Variants in GRIN2A observed in about 807,000 individuals in gnomAD.
GRIN2A encodes the protein glutamate ionotropic receptor NMDA type subunit 2A.
Under a neutral mutation model 113.4 loss-of-function variants are expected in GRIN2A, and 22 were observed. The observed-to-expected ratio is 0.19, with a 90% CI of 0.14 to 0.28. GRIN2A has a LOEUF of 0.28. GRIN2A is among the 10% of genes least tolerant of loss of function. The pLI, the probability that GRIN2A is intolerant of heterozygous loss-of-function variation, is 1.00. For missense variants in GRIN2A, 1,502 were observed against 1,887.0 expected (o/e 0.80, Z 3.78); for synonymous variants, 827 against 738.4 (o/e 1.12, Z -1.94).
intron 2 of GRIN2A, among the ~76,000 whole-genome samples, chr16:10,097,282 A>C (rs1261043184): frequency 6.6e-6 from 1 of 152,224 alleles, no homozygotes; most frequent in Non-Finnish European, 1.5e-5. Flanking sequence ...TTAAAAATAA[A>C]TGTGCTTAAA....
At chr16:9,880,168 C>A (rs143357649) in intron 4 of GRIN2A, among the ~76,000 whole-genome samples, 1 of 152,062 alleles carries the variant, frequency 6.6e-6, no homozygotes, top group Non-Finnish European at 1.5e-5. Context: ...TTGGAAGAAT[C>A]CACTTCCAAG....
chr16:9,830,863 G>A (rs943819256), intron 8 of GRIN2A, among the ~76,000 whole-genome samples: 26 of 152,154 alleles, frequency 1.7e-4, no homozygotes, highest in Admixed American at 1.2e-3. Flanking sequence ...ATTCTCAAGA[G>A]GCAGGAAATT....
In GRIN2A at chr16:9,763,088, C is replaced by T; in HGVS notation, c.*61G>A. On this transcript the variant is annotated 3_prime_UTR_variant, in exon 13 of 13. Coordinates refer to ENST00000330684, the MANE Select transcript of GRIN2A (RefSeq NM_001134407.3). The stretch of plus-strand genomic sequence containing the variant: ...GGCACTATTGGACATCCAACATTTA[C>T]CCTCCAGAACATTGGCCATTACGTA... 6.5e-7 allele frequency: 1 copy of T among 1,527,780 alleles called. No individual in the cohort carries two copies. Among genetic ancestry groups the T allele is most frequent in the Non-Finnish European group, 9.0e-7 (1 of 1,107,620 alleles). The allele number at this position is 1,527,780 out of a possible 1,614,324, so 94.6% of individuals were successfully genotyped here.
intron 4 of GRIN2A, among the ~76,000 whole-genome samples, chr16:9,860,955 C>T (rs1394515959): frequency 6.6e-6 from 1 of 152,218 alleles, no homozygotes; most frequent in Non-Finnish European, 1.5e-5. Context: ...TCCATTTTTA[C>T]TTACAATTCA....
chr16:10,147,629 C>G (rs1467571347), intron 2 of GRIN2A, among the ~76,000 whole-genome samples: 2 of 107,160 alleles, frequency 1.9e-5, no homozygotes, highest in African/African-American at 6.6e-5. Context: ...ACAGTGAGGC[C>G]CTGTCTCAAA....
At chr16:10,133,320 T>C (rs1273691948) in intron 2 of GRIN2A, among the ~76,000 whole-genome samples, 1 of 152,162 alleles carries the variant, frequency 6.6e-6, no homozygotes, top group Non-Finnish European at 1.5e-5. Flanking sequence ...CATCAAAATC[T>C]CATCAGACCA....
intron 2 of GRIN2A, among the ~76,000 whole-genome samples, chr16:10,146,621 C>T (rs1169607353): frequency 6.6e-6 from 1 of 151,986 alleles, no homozygotes; most frequent in Non-Finnish European, 1.5e-5. Flanking sequence ...AGAGTGACAG[C>T]TATTAATATT....
At chr16:9,964,675 G>A (rs1312643328) in intron 2 of GRIN2A, among the ~76,000 whole-genome samples, 3 of 152,114 alleles carry the variant, frequency 2.0e-5, no homozygotes, top group African/African-American at 7.2e-5. Context: ...CAGCACCACT[G>A]CATCTCTCTG....
chr16:9,952,127 G>A (rs1372863099), intron 2 of GRIN2A, among the ~76,000 whole-genome samples: 1 of 152,088 alleles, frequency 6.6e-6, no homozygotes, highest in Admixed American at 6.5e-5. Flanking sequence ...GGGTTCACTG[G>A]CCTCCAAGCC....
chr16:10,021,897 AG>A (rs560438672), intron 2 of GRIN2A, among the ~76,000 whole-genome samples: 11 of 152,180 alleles, frequency 7.2e-5, no homozygotes, highest in African/African-American at 2.6e-4. Flanking sequence ...CTCTGCCCCC[AG>A]TGATGGGGAT....
At chr16:9,986,764 C>CAAA (rs3065539) in intron 2 of GRIN2A, among the ~76,000 whole-genome samples, 1 of 112,040 alleles carries the variant, frequency 8.9e-6, no homozygotes, top group Non-Finnish European at 1.8e-5. Flanking sequence ...GACGCTGTCT[C>CAAA]AAAAAAAAAA....
intron 2 of GRIN2A, among the ~76,000 whole-genome samples, chr16:10,090,075 C>A (rs775809948): frequency 1.3e-5 from 2 of 151,990 alleles, no homozygotes; most frequent in African/African-American, 2.4e-5. Context: ...GTATTTAGGA[C>A]CTACCAGGCA....
intron 2 of GRIN2A, among the ~76,000 whole-genome samples, chr16:9,958,666 CT>C (rs1567200466): frequency 6.6e-6 from 1 of 152,074 alleles, no homozygotes; most frequent in Non-Finnish European, 1.5e-5. Flanking sequence ...GGAAAGAATG[CT>C]TGCTGTGTAT....
At chr16:9,921,961 T>A (rs2044366429) in intron 3 of GRIN2A, among the ~76,000 whole-genome samples, 1 of 152,186 alleles carries the variant, frequency 6.6e-6, no homozygotes, top group South Asian at 2.1e-4. Context: ...GTAAAACCAG[T>A]TGAAAATACG....
chr16:10,057,536 A>C (rs1044779009), intron 2 of GRIN2A, among the ~76,000 whole-genome samples: 2 of 152,302 alleles, frequency 1.3e-5, no homozygotes, highest in South Asian at 4.2e-4. Context: ...ACAGCTCTAC[A>C]AAGAAAATAA....
intron 4 of GRIN2A, among the ~76,000 whole-genome samples, chr16:9,875,121 C>T (rs2043339063): frequency 7.8e-6 from 1 of 128,368 alleles, no homozygotes; most frequent in African/African-American, 2.5e-5. Flanking sequence ...TCAGTCCCCA[C>T]AAGTAGCTGG....
intron 2 of GRIN2A, among the ~76,000 whole-genome samples, chr16:10,113,666 A>G (rs984956369): frequency 6.6e-6 from 1 of 152,268 alleles, no homozygotes; most frequent in African/African-American, 2.4e-5. Flanking sequence ...ATTGTGTGCA[A>G]TTACAAATAG....
chr16:10,085,762 C>A (rs1035137986), intron 2 of GRIN2A, among the ~76,000 whole-genome samples: 2 of 152,174 alleles, frequency 1.3e-5, no homozygotes, highest in East Asian at 3.8e-4. Context: ...TAAGTCTGAG[C>A]TCCTGTCTGG....
At chr16:10,008,381 C>T (rs2046442343) in intron 2 of GRIN2A, among the ~76,000 whole-genome samples, 1 of 152,120 alleles carries the variant, frequency 6.6e-6, no homozygotes, top group South Asian at 2.1e-4. Context: ...TGCTGTTGAC[C>T]ACAGGGAGTA....
Sources: gnomAD v4.1 joint callset for allele counts (sites outside exome capture counted in the v4.1 genomes callset) on GRCh38, gnomAD v4.1.1 for gene constraint, MANE v1.5 for transcripts, NCBI Gene and HGNC (gene_info 2026-07-23, HGNC 2026-07-21) for gene names.